Variants in ARMC10 observed in about 807,000 individuals in gnomAD.
The protein encoded by ARMC10 is armadillo repeat containing 10.
Under a neutral mutation model 30.2 loss-of-function variants are expected in ARMC10, and 23 were observed. The observed-to-expected ratio is 0.76, with a 90% CI of 0.55 to 1.08. ARMC10 has a LOEUF of 1.08. Among genes scored for constraint, ARMC10 ranks in the 50% least tolerant of loss-of-function variants. The pLI is 0.00. For missense variants in ARMC10, 303 were observed against 413.7 expected (o/e 0.73, Z 2.32); for synonymous variants, 111 against 164.4 (o/e 0.68, Z 2.48).
chr7:103,075,167 T>C lies in ARMC10; in HGVS notation c.-106T>C. On this transcript the variant is annotated 5_prime_UTR_variant, in exon 1 of 7. Transcript: ENST00000323716. The stretch of plus-strand genomic sequence containing the variant: ...TTCCTTTCTCCACATCCAGGTCAGG[T>C]GGCGTTTGCTGTGGCGGCTAGGCCC... The C allele has an allele frequency of 2.6e-6, 2 of 774,910 alleles. No homozygotes were observed. The highest frequency in any genetic ancestry group is 3.3e-6 in the Non-Finnish European group (2 of 610,228). The allele number at this position is 774,910 out of a possible 1,614,324, so 48.0% of individuals were successfully genotyped here.
At chr7:103,091,903 G>GT (rs2129523805) in intron 4 of ARMC10, among the ~76,000 whole-genome samples, 1 of 152,306 alleles carries the variant, frequency 6.6e-6, no homozygotes, top group Admixed American at 6.5e-5. Context: ...CAAGATAGCC[G>GT]TAATAGTACA....
At chr7:103,085,817 G>C (rs951321325) in intron 3 of ARMC10, among the ~76,000 whole-genome samples, 1 of 152,022 alleles carries the variant, frequency 6.6e-6, no homozygotes, top group Non-Finnish European at 1.5e-5. Flanking sequence ...GTTTCACCAT[G>C]TTGGCCAGGC....
chr7:103,084,494 G>T (rs373537968), intron 3 of ARMC10, among the ~76,000 whole-genome samples: 5 of 152,142 alleles, frequency 3.3e-5, no homozygotes, highest in African/African-American at 1.2e-4. Context: ...CTCTATAAAC[G>T]TATAGGGAGA....
chr7:103,076,813 C>T (rs947184975), intron 2 of ARMC10, among the ~76,000 whole-genome samples: 28 of 150,244 alleles, frequency 1.9e-4, no homozygotes, highest in Non-Finnish European at 4.0e-4. Context: ...CCAGCTTGTG[C>T]GACAGAGCAA....
intron 4 of ARMC10, among the ~76,000 whole-genome samples, chr7:103,088,198 T>C (rs1446508986): frequency 6.6e-6 from 1 of 152,174 alleles, no homozygotes; most frequent in East Asian, 1.9e-4. Flanking sequence ...ACAAGACGTA[T>C]AGATCCAGAT....
At position 103,099,351 on chromosome 7, in the gene ARMC10, A is replaced by G; in HGVS notation, c.*798A>G. On this transcript the variant is annotated 3_prime_UTR_variant, in exon 7 of 7. Transcript: ENST00000323716. ...CTGGGCATGGTGGTGCATGCCTGTA[A>G]TCCCAGCTACTTGGGAGGCCGAGGC... The G allele has an allele frequency of 8.3e-6, 1 of 120,152 alleles. No individual in the cohort carries two copies. The highest frequency in any genetic ancestry group is 1.8e-5 in the Non-Finnish European group (1 of 55,964). 7.4% of individuals were successfully genotyped at this position (120,152 alleles called of 1,614,324 possible). A position where few individuals can be genotyped will look rare whatever the true frequency, so the allele number is the denominator to read the frequency against.
chr7:103,077,895 G>T (rs540672045), intron 2 of ARMC10, among the ~76,000 whole-genome samples: 4 of 152,296 alleles, frequency 2.6e-5, no homozygotes, highest in South Asian at 4.1e-4. Context: ...TTTGCTCACA[G>T]TCCCTTCTTC....
chr7:103,085,688 A>G (rs4727560), intron 3 of ARMC10, among the ~76,000 whole-genome samples: 135,488 of 150,548 alleles, frequency 0.9, 62,690 homozygotes, highest in East Asian at 1. Flanking sequence ...TGCAGTCTCA[A>G]CTCACTGTAA....
Position 103,097,118 on chromosome 7 carries a change from A to G in ARMC10, c.706-159A>G. ...GAGTTCAGAATGAGACCTTTAAAGT[A>G]GAATGAACGGAGAAGGTTTCCTGGA... On this transcript the variant is annotated intron_variant, in intron 5 of 6. Coordinates refer to ENST00000323716, the MANE Select transcript of ARMC10 (RefSeq NM_031905.5). 1.1e-5 allele frequency: 7 copies of G among 645,586 alleles called. 1 individual carries two copies. The South Asian group carries it at 1.3e-4, about 12-fold the overall frequency. 40.0% of individuals were successfully genotyped at this position (645,586 alleles called of 1,614,324 possible).
chr7:103,078,968 C>T (rs951251740), intron 2 of ARMC10, among the ~76,000 whole-genome samples: 8 of 152,002 alleles, frequency 5.3e-5, no homozygotes, highest in Middle Eastern at 3.4e-3. Context: ...GTGATTGTGC[C>T]GCTGCTCTCC....
At position 103,075,804 on chromosome 7, in the gene ARMC10, G is replaced by A; in HGVS notation, c.167G>A (p.Gly56Asp). Residue 56 changes from glycine to aspartate, a missense_variant, in exon 2 of 7, where the codon GGT becomes GAT. Gly to Asp is a moderately conservative substitution (Grantham distance 94). This residue lies in a region of ARMC10 where 96 missense variants were observed against 84.2 expected (regional missense o/e 1.14). Coordinates refer to ENST00000323716, the MANE Select transcript of ARMC10 (RefSeq NM_031905.5). ...GCCCTGGAAGAAGGGACGTCAGAGG[G>A]TCAGTTGTGCGGGCGCTCGGCCCGG... Reference protein sequence around the residue: ...AGALEEGTSEGQLCGRSARPQ... With the variant: ...AGALEEGTSEDQLCGRSARPQ... The A allele has an allele frequency of 6.2e-7, 1 of 1,610,810 alleles. No homozygotes were observed. The highest frequency in any genetic ancestry group is 2.2e-5 in the East Asian group (1 of 44,678).
At position 103,086,655 on chromosome 7, in the gene ARMC10, T is replaced by C. The variant is rs1325834306; in HGVS notation, c.419T>C (p.Ile140Thr). The C allele has an allele frequency of 2.5e-6, 4 of 1,592,074 alleles. No individual in the cohort carries two copies. The highest frequency in any genetic ancestry group is 3.4e-6 in the Non-Finnish European group (4 of 1,175,038). Residue 140 changes from isoleucine (I) to threonine (T), a missense_variant, in exon 4 of 7, where the codon ATT becomes ACT. Ile to Thr is a moderately conservative substitution (Grantham distance 89, BLOSUM62 -1). Around this residue, in one of 4 missense-constraint regions of ARMC10, gnomAD observed 170 missense variants for 207.2 expected, o/e 0.82. Transcript: ENST00000323716. The stretch of plus-strand genomic sequence containing the variant: ...GCTATTATTCGTGAATTGGGTGGTA[T>C]TCCAATTGTTGCAAACAAAATCAAC... ...NQAIIRELGGIPIVANKINHS... is the reference protein window; with the variant it reads ...NQAIIRELGGTPIVANKINHS...
intron 5 of ARMC10, among the ~76,000 whole-genome samples, chr7:103,093,229 A>T (rs1415076846): frequency 1.3e-5 from 2 of 152,226 alleles, no homozygotes; most frequent in African/African-American, 2.4e-5. Flanking sequence ...AAAAAGTAGC[A>T]TAAAAATAGA....
chr7:103,083,965 CAT>C, intron 3 of ARMC10, 135 bp downstream of exon 3: 2 of 1,466,568 alleles, frequency 1.4e-6, no homozygotes, highest in Non-Finnish European at 1.8e-6. Context: ...ATACTTAAAA[CAT>C]AATGTTTGTT....
intron 2 of ARMC10, among the ~76,000 whole-genome samples, chr7:103,080,694 C>G (rs1800305615): frequency 6.6e-6 from 1 of 151,704 alleles, no homozygotes; most frequent in Non-Finnish European, 1.5e-5. Context: ...GTGGTGGGAT[C>G]TCGGCTCACT....
intron 2 of ARMC10, chr7:103,083,226 C>A (rs941344940): frequency 4.5e-6 from 2 of 441,990 alleles, no homozygotes; most frequent in African/African-American, 2.0e-5. Context: ...CACTTCCCAG[C>A]TGTAATTTGA....
In ARMC10 at chr7:103,085,471, A is replaced by T. The variant is rs1196202883; in HGVS notation, c.394-1159A>T. Among the ~76,000 whole-genome samples, 3 of 152,054 alleles carry T rather than the reference A, an allele frequency of 2.0e-5. No homozygotes were observed. The East Asian group carries it at 5.8e-4, about 29-fold the overall frequency. ...ACTTGACAAGAATAATTTTTAGCAT[A>T]TTTTTCTTACGAGAATTAAAGCGAT... On this transcript the variant is annotated intron_variant, in intron 3 of 6. Transcript: ENST00000323716.
Position 103,092,613 on chromosome 7 carries a change from A to G in ARMC10, c.665A>G (p.Asp222Gly). The G allele has an allele frequency of 6.3e-7, 1 of 1,597,306 alleles. No individual in the cohort carries two copies. Among genetic ancestry groups the G allele is most frequent in the South Asian group, 1.1e-5 (1 of 90,116 alleles). ...CACATGCTTCACAGTTACATTACAG[A>G]CCTGTTCCAGGTGTTACTTACTGGA... ...HQHMLHSYIT[D>G]LFQVLLTGNG... The change falls in exon 5 of 7, where the codon GAC becomes GGC. Residue 222 changes from aspartate (D) to glycine (G), a missense_variant. Coordinates refer to ENST00000323716, the MANE Select transcript of ARMC10 (RefSeq NM_031905.5).
chr7:103,085,606 C>CTTTTTT (rs10581217), intron 3 of ARMC10, among the ~76,000 whole-genome samples: 3 of 130,584 alleles, frequency 2.3e-5, no homozygotes, highest in African/African-American at 8.5e-5. Context: ...CATTTCTCTT[C>CTTTTTT]TTTTTTTTTT....
Sources: gnomAD v4.1 joint callset for allele counts (sites outside exome capture counted in the v4.1 genomes callset) on GRCh38, gnomAD v4.1.1 for gene constraint, gnomAD v4.1.1 regional missense constraint, MANE v1.5 for transcripts, NCBI Gene and HGNC (gene_info 2026-07-23, HGNC 2026-07-21) for gene names.